The following CDC42SE2 variants were observed in gnomAD, a reference collection of about 807,000 sequenced individuals.
CDC42SE2 encodes the protein CDC42 small effector protein 2.
A neutral mutation model predicts 11.5 loss-of-function variants in CDC42SE2; 3 were observed. The ratio of observed to expected loss-of-function variants is 0.26; its 90% CI spans 0.12 to 0.67. The LOEUF (loss-of-function observed/expected upper bound fraction) is 0.67, where lower values mean the gene tolerates loss of function less well. CDC42SE2 is among the 30% of genes least tolerant of loss of function. The pLI is 0.80. For missense variants in CDC42SE2, 82 were observed against 106.8 expected (o/e 0.77, Z 1.02); for synonymous variants, 33 against 34.8 (o/e 0.95, Z 0.18).
rs537238841 is a variant in CDC42SE2 at position 131,287,702 on chromosome 5, A to G, written c.-455+23536A>G. ...TTGCCCAGGCTGGTCTCGAACTACT[A>G]GGTTCCAGTGATCCGCCCTCTTCGG... On this transcript the variant is annotated intron_variant, in intron 1 of 4. Transcript: ENST00000505065. 8.6e-5 allele frequency among the ~76,000 whole-genome samples: 13 copies of G among 151,652 alleles called. 1 individual carries two copies. Among genetic ancestry groups the G allele is most frequent in the East Asian group, 1.9e-4 (1 of 5,148 alleles).
intron 3 of CDC42SE2, among the ~76,000 whole-genome samples, chr5:131,377,722 A>T (rs1750197939): frequency 6.6e-6 from 1 of 152,156 alleles, no homozygotes; most frequent in African/African-American, 2.4e-5. Flanking sequence ...AAAAACTAAA[A>T]CAGTGTTACC....
At chr5:131,297,626 A>G (rs1166334809) in intron 1 of CDC42SE2, among the ~76,000 whole-genome samples, 1 of 152,128 alleles carries the variant, frequency 6.6e-6, no homozygotes, top group African/African-American at 2.4e-5. Context: ...AGGCTGAGGC[A>G]GGAGAATGGC....
intron 2 of CDC42SE2, among the ~76,000 whole-genome samples, chr5:131,325,916 A>C (rs1758289778): frequency 6.6e-6 from 1 of 152,196 alleles, no homozygotes; most frequent in Admixed American, 6.5e-5. Flanking sequence ...TCTTGGTTCA[A>C]GGAACCTGTT....
At chr5:131,238,661 T>G in the CDC42SE2 span, among the ~76,000 whole-genome samples, 2 of 151,676 alleles carry the variant, frequency 1.3e-5, no homozygotes, top group Non-Finnish European at 2.9e-5. Flanking sequence ...TAAAAAATAT[T>G]ATTTTTCTCT....
At chr5:131,347,322 C>T (rs1472111754) in intron 2 of CDC42SE2, among the ~76,000 whole-genome samples, 1 of 152,084 alleles carries the variant, frequency 6.6e-6, no homozygotes. Context: ...GGGATCTCAC[C>T]ACCCATCCCA....
intron 1 of CDC42SE2, among the ~76,000 whole-genome samples, chr5:131,251,060 T>A (rs1012968061): frequency 1.3e-5 from 2 of 152,220 alleles, no homozygotes; most frequent in African/African-American, 4.8e-5. Context: ...TAATTTTAAA[T>A]TTTTTAAATG....
At chr5:131,288,823 A>G (rs922920134) in intron 1 of CDC42SE2, among the ~76,000 whole-genome samples, 6 of 152,210 alleles carry the variant, frequency 3.9e-5, no homozygotes, top group Non-Finnish European at 8.8e-5. Context: ...TAGAGATGCT[A>G]TTGACTACTT....
intron 3 of CDC42SE2, among the ~76,000 whole-genome samples, chr5:131,371,653 TAAG>T (rs759047805): frequency 8.5e-5 from 13 of 152,252 alleles, no homozygotes; most frequent in African/African-American, 2.7e-4. Context: ...AAAACTATAA[TAAG>T]AAGTTAATTA....
chr5:131,318,572 T>G (rs1213523640), intron 2 of CDC42SE2, among the ~76,000 whole-genome samples: 2 of 152,188 alleles, frequency 1.3e-5, no homozygotes, highest in African/African-American at 4.8e-5. Context: ...GAAAGGAAAT[T>G]TAGTTGATTA....
intron 2 of CDC42SE2, among the ~76,000 whole-genome samples, chr5:131,330,532 T>A (rs577343670): frequency 2.0e-5 from 3 of 152,302 alleles, no homozygotes; most frequent in African/African-American, 7.2e-5. Context: ...ACTTTTATAA[T>A]AATATTTTTC....
intron 3 of CDC42SE2, among the ~76,000 whole-genome samples, chr5:131,373,788 C>T (rs1471332341): frequency 6.6e-6 from 1 of 151,950 alleles, no homozygotes; most frequent in Non-Finnish European, 1.5e-5. Flanking sequence ...GAACAACATG[C>T]CTACAAAGGA....
chr5:131,351,819 TA>T (rs1759019903), intron 2 of CDC42SE2, among the ~76,000 whole-genome samples: 1 of 152,202 alleles, frequency 6.6e-6, no homozygotes, highest in Admixed American at 6.6e-5. Flanking sequence ...AGATAAAACT[TA>T]TGCATAAGAC....
chr5:131,368,604 G>A (rs1449606481), intron 3 of CDC42SE2, among the ~76,000 whole-genome samples: 1 of 152,078 alleles, frequency 6.6e-6, no homozygotes, highest in Non-Finnish European at 1.5e-5. Flanking sequence ...TGAAACTGGT[G>A]TATCTTTATT....
chr5:131,249,014 CTTTTTTTT>C (rs35929101), intron 1 of CDC42SE2, among the ~76,000 whole-genome samples: 1 of 116,092 alleles, frequency 8.6e-6, no homozygotes, highest in South Asian at 2.8e-4. Flanking sequence ...CAGGTTACAT[CTTTTTTTT>C]TTTTTTTTTT....
upstream of CDC42SE2, chr5:131,263,612 C>G (rs1183268652): frequency 1.3e-5 from 2 of 152,222 alleles, no homozygotes. Context: ...CCCCTCATCC[C>G]ACAACCGCTC....
chr5:131,303,873 G>A (rs1757730894), intron 1 of CDC42SE2, among the ~76,000 whole-genome samples: 2 of 151,982 alleles, frequency 1.3e-5, no homozygotes, highest in African/African-American at 4.8e-5. Flanking sequence ...TGTCTTCATA[G>A]CAATATGATG....
At chr5:131,266,993 C>T (rs1468998054) in intron 1 of CDC42SE2, among the ~76,000 whole-genome samples, 1 of 119,050 alleles carries the variant, frequency 8.4e-6, no homozygotes, top group Admixed American at 1.0e-4. Flanking sequence ...AGCACATCAT[C>T]AGAATTCTTG....
intron 1 of CDC42SE2, among the ~76,000 whole-genome samples, chr5:131,277,868 A>G (rs1180749010): frequency 6.6e-6 from 1 of 152,152 alleles, no homozygotes. Context: ...ATTAATTTTT[A>G]TGACAGTAGG....
intron 3 of CDC42SE2, among the ~76,000 whole-genome samples, chr5:131,378,365 T>G (rs1750216390): frequency 2.1e-5 from 3 of 145,536 alleles, no homozygotes. Context: ...TGAACTAGAT[T>G]GATTAACTTG....
Sources: allele counts gnomAD v4.1 joint callset (sites outside exome capture counted in the v4.1 genomes callset), GRCh38; gene constraint gnomAD v4.1.1; transcripts MANE v1.5; gene names NCBI Gene and HGNC (gene_info 2026-07-23, HGNC 2026-07-21).